Variants in MBOAT2 observed in about 807,000 individuals in gnomAD.
The protein encoded by MBOAT2 is membrane bound glycerophospholipid O-acyltransferase 2.
Under a neutral mutation model 63.4 loss-of-function variants are expected in MBOAT2, and 28 were observed. That is an observed-to-expected ratio of 0.44 (90% CI 0.33 to 0.61). MBOAT2 has a LOEUF of 0.61. Among genes scored for constraint, MBOAT2 ranks in the 20% least tolerant of loss-of-function variants. MBOAT2 has a pLI of 0.03. For missense variants in MBOAT2, 470 were observed against 605.8 expected (o/e 0.78, Z 2.35); for synonymous variants, 211 against 215.6 (o/e 0.98, Z 0.19).
intron 3 of MBOAT2, among the ~76,000 whole-genome samples, chr2:8,942,830 G>A (rs1269844619): frequency 3.3e-5 from 5 of 152,080 alleles, no homozygotes. Context: ...CTTCACAGCA[G>A]GCAATTTCGC....
At chr2:8,891,691 C>T (rs17666052) in intron 4 of MBOAT2, among the ~76,000 whole-genome samples, 2,222 of 152,224 alleles carry the variant, frequency 0.015, 19 homozygotes, top group Non-Finnish European at 0.021. Flanking sequence ...GTCTGGGATA[C>T]CTTGACACGA....
chr2:8,916,267 A>T (rs950255585), intron 3 of MBOAT2, among the ~76,000 whole-genome samples: 5 of 152,200 alleles, frequency 3.3e-5, no homozygotes, highest in African/African-American at 1.2e-4. Flanking sequence ...TCTGCTGTTT[A>T]CACCATTCAG....
chr2:8,872,259 T>C (rs1304051969), intron 8 of MBOAT2, among the ~76,000 whole-genome samples: 1 of 152,212 alleles, frequency 6.6e-6, no homozygotes, highest in Non-Finnish European at 1.5e-5. Context: ...CTTTTTGTTT[T>C]TGTTTTTGAG....
At chr2:8,925,945 C>G (rs1329206483) in intron 3 of MBOAT2, among the ~76,000 whole-genome samples, 1 of 152,202 alleles carries the variant, frequency 6.6e-6, no homozygotes, top group Non-Finnish European at 1.5e-5. Flanking sequence ...TTAATCTTCA[C>G]TACAATCTTA....
intron 8 of MBOAT2, 45 bp from the exon 9 acceptor site, chr2:8,868,594 C>T: frequency 2.1e-6 from 3 of 1,437,176 alleles, no homozygotes; most frequent in Non-Finnish European, 2.9e-6. Flanking sequence ...ATCTCCATAA[C>T]AATTTACCAT....
rs898759003 is a variant in MBOAT2, at chr2:8,882,552, C to A, written c.465G>T (p.Lys155Asn). The change falls in exon 6 of 13, where the codon AAG becomes AAT. Residue 155 changes from lysine to asparagine, a missense_variant. By Grantham distance (94) the Lys-to-Asn change is moderately conservative (BLOSUM62 0). Coordinates refer to ENST00000305997, the MANE Select transcript of MBOAT2 (RefSeq NM_138799.4). ...ACEIHDGMFR[K>N]DEELTSSQRD... ...TCTGTGAGGAAGTCAGTTCTTCATC[C>A]TTCCGAAACATCCCTGAGAAACAAA... 6.2e-7 allele frequency: 1 copy of A among 1,614,232 alleles called. No individual in the cohort carries two copies. Among genetic ancestry groups the A allele is most frequent in the Non-Finnish European group, 8.5e-7 (1 of 1,180,026 alleles).
At chr2:8,900,332 G>C (rs146147242) in intron 4 of MBOAT2, among the ~76,000 whole-genome samples, 2 of 152,086 alleles carry the variant, frequency 1.3e-5, no homozygotes, top group Non-Finnish European at 2.9e-5. Flanking sequence ...AGCTAAAGTC[G>C]CATTCTTTTC....
chr2:8,980,497 A>G (rs1343791630), intron 1 of MBOAT2, among the ~76,000 whole-genome samples: 2 of 152,176 alleles, frequency 1.3e-5, no homozygotes, highest in Non-Finnish European at 2.9e-5. Context: ...AAAACAAGCA[A>G]ACATCCACTT....
intron 4 of MBOAT2, among the ~76,000 whole-genome samples, chr2:8,896,062 C>T (rs1249501432): frequency 2.0e-5 from 3 of 151,802 alleles, no homozygotes; most frequent in Non-Finnish European, 4.4e-5. Context: ...ATGGTGAAAT[C>T]CCATCTCTAC....
intron 2 of MBOAT2, among the ~76,000 whole-genome samples, chr2:8,953,477 G>A (rs1034758063): frequency 2.0e-5 from 3 of 152,082 alleles, no homozygotes; most frequent in Admixed American, 6.6e-5. Flanking sequence ...TATATGGATG[G>A]CTACTTCTAG....
At chr2:8,865,820 T>C (rs540978059) in intron 9 of MBOAT2, among the ~76,000 whole-genome samples, 2 of 152,280 alleles carry the variant, frequency 1.3e-5, no homozygotes, top group South Asian at 4.1e-4. Context: ...GTAGATCGCC[T>C]GAAGTCAGGA....
intron 1 of MBOAT2, among the ~76,000 whole-genome samples, chr2:8,985,384 A>AAGATAAAATATTC (rs1316872548): frequency 6.6e-6 from 1 of 152,208 alleles, no homozygotes; most frequent in African/African-American, 2.4e-5. Flanking sequence ...TAAAGATAAA[A>AAGATAAAATATTC]TGTGTGACCC....
chr2:8,913,843 A>AG (rs370505446), intron 3 of MBOAT2, among the ~76,000 whole-genome samples: 1 of 152,162 alleles, frequency 6.6e-6, no homozygotes, highest in East Asian at 1.9e-4. Context: ...AGGAAAAAAA[A>AG]GTCATTATTT....
chr2:8,993,658 T>C (rs1672067662), intron 1 of MBOAT2, among the ~76,000 whole-genome samples: 1 of 152,086 alleles, frequency 6.6e-6, no homozygotes, highest in Admixed American at 6.6e-5. Flanking sequence ...AACCTGGCCT[T>C]CCTAACTTCC....
chr2:8,907,405 C>G (rs1238789815), intron 4 of MBOAT2, among the ~76,000 whole-genome samples: 1 of 152,230 alleles, frequency 6.6e-6, no homozygotes, highest in Non-Finnish European at 1.5e-5. Context: ...ATTTAATTTT[C>G]TAAGTGACTG....
At chr2:8,946,319 C>A (rs1024966421) in intron 2 of MBOAT2, among the ~76,000 whole-genome samples, 8 of 152,188 alleles carry the variant, frequency 5.3e-5, no homozygotes, top group Admixed American at 4.6e-4. Context: ...AGAGTTTAAG[C>A]TCTATTCCAT....
chr2:8,926,216 C>T (rs1424695058), intron 3 of MBOAT2, among the ~76,000 whole-genome samples: 1 of 152,128 alleles, frequency 6.6e-6, no homozygotes, highest in African/African-American at 2.4e-5. Flanking sequence ...GAAGCCTTGA[C>T]CTCCTGGGCT....
intron 1 of MBOAT2, among the ~76,000 whole-genome samples, chr2:8,958,952 C>A (rs904744837): frequency 6.6e-6 from 1 of 152,072 alleles, no homozygotes; most frequent in African/African-American, 2.4e-5. Flanking sequence ...AACAAAAAGC[C>A]CAGGGCACCT....
intron 1 of MBOAT2, among the ~76,000 whole-genome samples, chr2:9,002,893 G>C (rs150406953): frequency 6.6e-6 from 1 of 152,256 alleles, no homozygotes; most frequent in Non-Finnish European, 1.5e-5. Flanking sequence ...AAGAATCCTG[G>C]GATTAACTCC....
Sources: gnomAD v4.1 joint callset for allele counts (sites outside exome capture counted in the v4.1 genomes callset) on GRCh38, gnomAD v4.1.1 for gene constraint, MANE v1.5 for transcripts, NCBI Gene and HGNC (gene_info 2026-07-23, HGNC 2026-07-21) for gene names.